The following PCDHA4 variants were observed in gnomAD, a reference collection of about 807,000 sequenced individuals.
PCDHA4 encodes protocadherin alpha 4, also known as protocadherin alpha-4.
PCDHA4 carries 49 observed loss-of-function variants against 61.4 expected under a neutral mutation model. The ratio of observed to expected loss-of-function variants is 0.80; its 90% confidence interval spans 0.63 to 1.01. PCDHA4 has a LOEUF of 1.01. Ranked by LOEUF, PCDHA4 falls within the 50% of genes least tolerant of loss-of-function variation. The pLI is 0.00. For missense variants in PCDHA4, 1,254 were observed against 1,235.8 expected (o/e 1.01, Z -0.22); for synonymous variants, 590 against 550.3 (o/e 1.07, Z -1.01).
At position 140,848,680 on chromosome 5, in the gene PCDHA4, G is replaced by T. The variant is rs2150417098; in HGVS notation, c.2385+39108G>T. ...CTGGAGCTGGCGGAGCTGGTGCCGC[G>T]CCTGTTCCAGTTGGATTCCAAAGGC... On this transcript the variant is annotated intron_variant, in intron 1 of 3. Transcript: ENST00000530339. 4.4e-5 allele frequency: 70 copies of T among 1,592,250 alleles called. 5 individuals are homozygous for T. The highest frequency in any genetic ancestry group is 3.9e-4 in the Admixed American group (23 of 59,170).
At chr5:140,862,636 T>C in intron 1 of PCDHA4, 1 of 539,338 alleles carries the variant, frequency 1.9e-6, no homozygotes, top group East Asian at 5.1e-5. Flanking sequence ...CTGCCACGAC[T>C]TCACAGTGTC....
intron 3 of PCDHA4, 63 bp downstream of exon 3, chr5:140,982,626 T>C (rs782343298): frequency 2.5e-5 from 39 of 1,581,800 alleles, no homozygotes; most frequent in Non-Finnish European, 2.8e-5. Context: ...TGACCTACTT[T>C]TGTAAGATCA....
chr5:140,995,794 CAT>C (rs1407600046), intron 3 of PCDHA4, among the ~76,000 whole-genome samples: 65 of 152,208 alleles, frequency 4.3e-4, no homozygotes, highest in African/African-American at 1.5e-3. Flanking sequence ...AAATTTGTCT[CAT>C]GTTAGTTTCT....
At chr5:140,848,454 G>A in intron 1 of PCDHA4, 1 of 1,522,350 alleles carries the variant, frequency 6.6e-7, no homozygotes, top group South Asian at 1.2e-5. Context: ...CTTCTAATTT[G>A]GAGGCAATTT....
chr5:140,823,464 G>C, intron 1 of PCDHA4: 1 of 1,613,420 alleles, frequency 6.2e-7, no homozygotes, highest in Non-Finnish European at 8.5e-7. Context: ...ACGCGCCGGC[G>C]CTGCTGGTGC....
At chr5:140,878,993 G>A (rs369200128) in intron 1 of PCDHA4, among the ~76,000 whole-genome samples, 70 of 152,306 alleles carry the variant, frequency 4.6e-4, no homozygotes, top group African/African-American at 1.7e-3. Context: ...AGAAATGAGA[G>A]TATGCCCTAG....
rs142842369 is a variant in PCDHA4, at chr5:140,884,425, T to G, written c.2385+74853T>G. ...TGGTGCTCACGTTGCTGCTGTATAC[T>G]GCGCTGCGGTGCTCGGCACCGCCCA... On this transcript the variant is annotated intron_variant, in intron 1 of 3. Coordinates refer to ENST00000530339, the MANE Select transcript of PCDHA4 (RefSeq NM_018907.4). 1.3e-3 allele frequency: 2,026 copies of G among 1,613,950 alleles called. 4 individuals carry two copies. Among genetic ancestry groups the G allele is most frequent in the Admixed American group, 3.6e-3 (219 of 60,032 alleles).
chr5:140,822,446 C>T, intron 1 of PCDHA4: 1 of 1,613,574 alleles, frequency 6.2e-7, no homozygotes. Flanking sequence ...CTAACAGGTA[C>T]AGTTCAGTTG....
intron 1 of PCDHA4, chr5:140,927,385 C>T (rs781913021): frequency 1.9e-6 from 3 of 1,614,098 alleles, no homozygotes; most frequent in Non-Finnish European, 1.7e-6. Flanking sequence ...CAGCCTAAGC[C>T]CCAGTCAGCA....
intron 1 of PCDHA4, chr5:140,834,394 C>A (rs2150216490): frequency 1.3e-6 from 2 of 1,596,908 alleles, no homozygotes; most frequent in Admixed American, 1.7e-5. Flanking sequence ...ATGGTGTGCC[C>A]GAATGGATAC....
intron 1 of PCDHA4, among the ~76,000 whole-genome samples, chr5:140,941,374 T>C (rs1188935172): frequency 6.7e-6 from 1 of 148,216 alleles, no homozygotes; most frequent in African/African-American, 2.5e-5. Flanking sequence ...TGGAGTGTAG[T>C]GACAGGATTT....
At chr5:140,898,133 G>T (rs2153459320) in intron 1 of PCDHA4, among the ~76,000 whole-genome samples, 1 of 152,202 alleles carries the variant, frequency 6.6e-6, no homozygotes, top group African/African-American at 2.4e-5. Flanking sequence ...CTCCCATTTT[G>T]TAGGTTGCCT....
intron 1 of PCDHA4, chr5:140,823,090 A>G: frequency 6.2e-7 from 1 of 1,614,038 alleles, no homozygotes; most frequent in Non-Finnish European, 8.5e-7. Context: ...GGCCACCGCC[A>G]GCGTGTCTGT....
At chr5:140,830,407 T>C in intron 1 of PCDHA4, 4 of 1,614,170 alleles carry the variant, frequency 2.5e-6, no homozygotes, top group South Asian at 2.2e-5. Flanking sequence ...TCATGGCCTT[T>C]AGCCCCAGCC....
chr5:140,827,940 C>T, intron 1 of PCDHA4: 2 of 1,159,002 alleles, frequency 1.7e-6, no homozygotes, highest in Non-Finnish European at 2.4e-6. Flanking sequence ...TTATAGCTAG[C>T]CAACATTCAA....
intron 1 of PCDHA4, chr5:140,811,597 C>T (rs1764916524): frequency 6.6e-6 from 1 of 152,224 alleles, no homozygotes; most frequent in Non-Finnish European, 1.5e-5. Flanking sequence ...AATGGTTGAA[C>T]TAGTTTACAC....
At position 140,962,458 on chromosome 5, in the gene PCDHA4, G is replaced by A. The variant is rs535139362; in HGVS notation, c.2386-16491G>A. ...CCAAAGATGGCTTGAATCTCTTATG[G>A]CTTGAATCTCTTTGTTTATTCTAAG... On this transcript the variant is annotated intron_variant, in intron 1 of 3. Transcript: ENST00000530339. Among the ~76,000 whole-genome samples, 222 of 152,088 alleles carry A rather than the reference G, an allele frequency of 1.5e-3. 9 individuals carry two copies. In the South Asian group the frequency reaches 0.044, roughly 30 times the overall value.
At chr5:140,966,448 C>T (rs1198594007) in intron 1 of PCDHA4, 2 of 425,466 alleles carry the variant, frequency 4.7e-6, no homozygotes, top group Non-Finnish European at 8.2e-6. Context: ...TCCCTTTCCC[C>T]CTCCCCCTCT....
chr5:140,862,840 C>A (rs1434718417), intron 1 of PCDHA4: 1 of 573,790 alleles, frequency 1.7e-6, no homozygotes, highest in Non-Finnish European at 3.3e-6. Flanking sequence ...CGCGGGCATG[C>A]CGCCTCTGAG....
Sources: allele counts gnomAD v4.1 joint callset (sites outside exome capture counted in the v4.1 genomes callset), GRCh38; gene constraint gnomAD v4.1.1; transcripts MANE v1.5; gene names NCBI Gene and HGNC (gene_info 2026-07-23, HGNC 2026-07-21).